The following GPHN variants were observed in gnomAD, a reference collection of about 807,000 sequenced individuals.
GPHN encodes the protein gephyrin.
Under a neutral mutation model 95.5 loss-of-function variants are expected in GPHN, and 17 were observed. The ratio of observed to expected loss-of-function variants is 0.18; its 90% confidence interval spans 0.12 to 0.27. The LOEUF (loss-of-function observed/expected upper bound fraction) is 0.27, where lower values mean the gene tolerates loss of function less well. Among genes scored for constraint, GPHN ranks in the 10% least tolerant of loss-of-function variants. GPHN has a pLI of 1.00. For synonymous variants in GPHN, 320 were observed against 322.5 expected, an observed-to-expected ratio of 0.99 and a Z score of 0.08; for missense variants, 660 against 978.1, an observed-to-expected ratio of 0.67 and a Z score of 4.34.
At chr14:67,531,828 A>G in the GPHN span, among the ~76,000 whole-genome samples, 2 of 141,990 alleles carry the variant, frequency 1.4e-5, no homozygotes, top group Admixed American at 7.2e-5. Context: ...GGATTGCTTG[A>G]GCCCAGGAGT....
At chr14:67,260,322 G>T in the GPHN span, among the ~76,000 whole-genome samples, 2 of 152,332 alleles carry the variant, frequency 1.3e-5, no homozygotes, top group Admixed American at 1.3e-4. Flanking sequence ...GAGGACATTC[G>T]TGGTAAGAAG....
the GPHN span, among the ~76,000 whole-genome samples, chr14:67,478,945 T>C: frequency 1.3e-5 from 2 of 152,196 alleles, no homozygotes; most frequent in African/African-American, 2.4e-5. Context: ...ATATTCAACC[T>C]AACTCCGATT....
At chr14:66,667,366 A>G (rs1032497225) in intron 1 of GPHN, among the ~76,000 whole-genome samples, 24 of 152,214 alleles carry the variant, frequency 1.6e-4, no homozygotes, top group Non-Finnish European at 3.1e-4. Context: ...AGCCTAAAAA[A>G]CAAAGCTGGA....
At chr14:67,328,922 G>A in the GPHN span, among the ~76,000 whole-genome samples, 1 of 152,148 alleles carries the variant, frequency 6.6e-6, no homozygotes, top group Non-Finnish European at 1.5e-5. Context: ...GATGCCTTCA[G>A]CTTTATTCTT....
At chr14:67,088,156 CT>C (rs954784169) in intron 11 of GPHN, among the ~76,000 whole-genome samples, 10 of 150,812 alleles carry the variant, frequency 6.6e-5, no homozygotes, top group Non-Finnish European at 8.9e-5. Flanking sequence ...ATATTCCTTC[CT>C]TTTTTTTTAA....
the GPHN span, chr14:67,332,869 T>A: frequency 4.3e-6 from 7 of 1,614,054 alleles, no homozygotes; most frequent in African/African-American, 1.3e-5. Context: ...TGAATTCCGA[T>A]CTTGATAAAG....
the GPHN span, chr14:67,692,568 C>T: frequency 6.2e-6 from 10 of 1,601,656 alleles, no homozygotes; most frequent in Non-Finnish European, 8.5e-6. Context: ...TTTCCACATC[C>T]CGGCAAGCTA....
intron 2 of GPHN, among the ~76,000 whole-genome samples, chr14:66,734,706 A>G (rs1393104108): frequency 6.6e-6 from 1 of 152,244 alleles, no homozygotes; most frequent in African/African-American, 2.4e-5. Context: ...ACTATAATGA[A>G]GGATCATAAT....
At chr14:67,615,912 A>C in the GPHN span, 1 of 567,024 alleles carries the variant, frequency 1.8e-6, no homozygotes, top group East Asian at 3.7e-5. Flanking sequence ...AAGCAGCCTT[A>C]AAAAGAAGTC....
the GPHN span, among the ~76,000 whole-genome samples, chr14:67,268,755 A>C: frequency 6.6e-6 from 1 of 152,170 alleles, no homozygotes; most frequent in Non-Finnish European, 1.5e-5. Context: ...TTTTGTCAGC[A>C]GGGCCTTTGT....
intron 1 of GPHN, among the ~76,000 whole-genome samples, chr14:66,540,970 C>T (rs780438360): frequency 9.9e-5 from 15 of 151,798 alleles, no homozygotes; most frequent in South Asian, 6.3e-4. Context: ...TTTTCTGAGA[C>T]GGAGTCTCCC....
the GPHN span, among the ~76,000 whole-genome samples, chr14:67,187,469 C>T: frequency 1.3e-5 from 2 of 152,204 alleles, no homozygotes; most frequent in Non-Finnish European, 2.9e-5. Context: ...TCCATTGACA[C>T]TGCCACTGCC....
chr14:67,492,319 T>TA, the GPHN span, among the ~76,000 whole-genome samples: 2 of 152,224 alleles, frequency 1.3e-5, no homozygotes, highest in African/African-American at 4.8e-5. Flanking sequence ...AGGCATGTGT[T>TA]ACTGTAAAGA....
chr14:67,485,317 A>G, the GPHN span, among the ~76,000 whole-genome samples: 3 of 152,180 alleles, frequency 2.0e-5, no homozygotes, highest in African/African-American at 4.8e-5. Context: ...CCTGGCTACA[A>G]ATCAACTCAA....
At chr14:67,370,440 T>TA in the GPHN span, among the ~76,000 whole-genome samples, 1 of 152,086 alleles carries the variant, frequency 6.6e-6, no homozygotes, top group Non-Finnish European at 1.5e-5. Flanking sequence ...TTTGTTTTTT[T>TA]AAAAAAGAGC....
intron 1 of GPHN, among the ~76,000 whole-genome samples, chr14:66,596,282 C>T (rs909565551): frequency 1.3e-5 from 2 of 152,078 alleles, no homozygotes; most frequent in African/African-American, 4.8e-5. Context: ...AGAAGTTCTC[C>T]CTCCAGTCCA....
the GPHN span, among the ~76,000 whole-genome samples, chr14:67,681,924 T>C: frequency 1.3e-5 from 2 of 152,158 alleles, no homozygotes; most frequent in Non-Finnish European, 2.9e-5. Context: ...TCTGCCTTCA[T>C]GAACAGATTA....
At chr14:67,326,368 G>A in the GPHN span, among the ~76,000 whole-genome samples, 4 of 150,190 alleles carry the variant, frequency 2.7e-5, no homozygotes, top group Non-Finnish European at 4.4e-5. Context: ...TGTGCCACAG[G>A]TCCTAGCTTA....
the GPHN span, among the ~76,000 whole-genome samples, chr14:67,296,230 G>A: frequency 6.6e-6 from 1 of 152,148 alleles, no homozygotes; most frequent in Non-Finnish European, 1.5e-5. Context: ...TGCTCAAAGG[G>A]TACAGAGGTG....
Sources: allele counts gnomAD v4.1 joint callset (sites outside exome capture counted in the v4.1 genomes callset), GRCh38; gene constraint gnomAD v4.1.1; transcripts MANE v1.5; gene names NCBI Gene and HGNC (gene_info 2026-07-23, HGNC 2026-07-21).